MAD1L1: variants seen among roughly 807,000 people sequenced by gnomAD.
MAD1L1 encodes the protein mitotic spindle assembly checkpoint protein MAD1.
MAD1L1 carries 95 observed loss-of-function variants against 96.9 expected under a neutral mutation model. That is an observed-to-expected ratio of 0.98 (90% CI 0.83 to 1.16). MAD1L1 has a LOEUF of 1.16. MAD1L1 is among the 50% of genes most tolerant of loss of function. MAD1L1 has a pLI of 0.00. For synonymous variants in MAD1L1, 473 were observed against 396.6 expected (o/e 1.19, Z -2.29); for missense variants, 1,007 against 954.4 (o/e 1.06, Z -0.73).
chr7:1,884,438 C>T (rs1220399588), intron 18 of MAD1L1, among the ~76,000 whole-genome samples: 1 of 152,218 alleles, frequency 6.6e-6, no homozygotes, highest in East Asian at 1.9e-4. Context: ...GAGTTCCAGG[C>T]CTCAATGCTC....
intron 18 of MAD1L1, among the ~76,000 whole-genome samples, chr7:1,868,663 C>T (rs567858526): frequency 1.2e-4 from 18 of 152,336 alleles, no homozygotes; most frequent in African/African-American, 4.1e-4. Context: ...CAGCCCATGC[C>T]GGGTAGGAGT....
At chr7:2,042,923 A>C (rs1783755717) in intron 12 of MAD1L1, among the ~76,000 whole-genome samples, 1 of 151,914 alleles carries the variant, frequency 6.6e-6, no homozygotes, top group South Asian at 2.1e-4. Context: ...GTCCACGTCC[A>C]CATCAAGGCA....
Position 1,945,244 on chromosome 7 carries a change from C to T in MAD1L1, c.1597-8347G>A, listed in dbSNP as rs1023152522. 1.2e-3 allele frequency among the ~76,000 whole-genome samples: 181 copies of T among 152,356 alleles called. 10 individuals are homozygous for T. The highest frequency in any genetic ancestry group is 3.4e-3 in the Middle Eastern group (1 of 292). Reference sequence around the variant, plus strand: ...CACTCATCTCAGTAGGCGTCCTCCACGCCAGAAGTCCAGCTCCGCGGTGAC... The same window carrying T: ...CACTCATCTCAGTAGGCGTCCTCCATGCCAGAAGTCCAGCTCCGCGGTGAC... On this transcript the variant is annotated intron_variant, in intron 16 of 18. Transcript: ENST00000265854.
chr7:2,000,344 T>G (rs565953803), intron 14 of MAD1L1, among the ~76,000 whole-genome samples: 1 of 152,006 alleles, frequency 6.6e-6, no homozygotes, highest in Non-Finnish European at 1.5e-5. Flanking sequence ...TCCCACCCAT[T>G]GCGGCCCTGC....
At chr7:2,048,626 G>A (rs1050783799) in intron 12 of MAD1L1, among the ~76,000 whole-genome samples, 1 of 152,248 alleles carries the variant, frequency 6.6e-6, no homozygotes, top group Admixed American at 6.5e-5. Context: ...GGAAGGGGCT[G>A]TCCCATAGGA....
intron 14 of MAD1L1, among the ~76,000 whole-genome samples, chr7:1,981,740 G>A (rs1055282117): frequency 2.0e-5 from 3 of 152,168 alleles, no homozygotes; most frequent in Non-Finnish European, 4.4e-5. Flanking sequence ...GGAATGATGT[G>A]AGGGGGACAA....
intron 1 of MAD1L1, among the ~76,000 whole-genome samples, chr7:2,232,222 T>C (rs1168574668): frequency 1.3e-5 from 2 of 152,204 alleles, no homozygotes; most frequent in African/African-American, 4.8e-5. Context: ...GCACAGTTTC[T>C]GAGTTTCCAT....
chr7:1,815,994 C>G lies in MAD1L1; in HGVS notation c.*76G>C. 1.3e-5 allele frequency: 20 copies of G among 1,491,606 alleles called. No homozygotes were observed. Among genetic ancestry groups the G allele is most frequent in the Non-Finnish European group, 1.8e-5 (20 of 1,111,100 alleles). 92.4% of individuals were successfully genotyped at this position (1,491,606 alleles called of 1,614,324 possible). ...CTGGAGAGGCAGGACGTGCACCCAG[C>G]CTGTGGCTGGCGGGGCAGGGGACCT... On this transcript the variant is annotated 3_prime_UTR_variant, in exon 19 of 19. Transcript: ENST00000265854.
chr7:2,063,497 T>C (rs1784751635), intron 12 of MAD1L1, among the ~76,000 whole-genome samples: 1 of 152,178 alleles, frequency 6.6e-6, no homozygotes, highest in Admixed American at 6.5e-5. Flanking sequence ...GTCTCCAAAG[T>C]GGAAGCTGCC....
chr7:1,825,919 G>C (rs1673425352), intron 18 of MAD1L1, among the ~76,000 whole-genome samples: 1 of 151,984 alleles, frequency 6.6e-6, no homozygotes, highest in Non-Finnish European at 1.5e-5. Context: ...GGTCGGCACA[G>C]TCCCAGCCCC....
intron 13 of MAD1L1, among the ~76,000 whole-genome samples, chr7:2,006,056 C>G (rs1052331604): frequency 1.3e-5 from 2 of 151,534 alleles, no homozygotes; most frequent in Non-Finnish European, 2.9e-5. Context: ...GGAGGGAGCT[C>G]AGGTCTGGCT....
intron 17 of MAD1L1, 52 bp downstream of exon 17, chr7:1,936,635 C>A: frequency 6.6e-7 from 1 of 1,518,090 alleles, no homozygotes; most frequent in Non-Finnish European, 8.8e-7. Context: ...CACGGATGGA[C>A]CTACCCACGG....
At chr7:1,929,787 C>T (rs570597885) in intron 17 of MAD1L1, among the ~76,000 whole-genome samples, 1 of 140,136 alleles carries the variant, frequency 7.1e-6, no homozygotes, top group Non-Finnish European at 1.5e-5. Flanking sequence ...GTCCCCACTG[C>T]CACGTCCCCT....
chr7:2,107,107 G>A (rs1584337303), intron 11 of MAD1L1, among the ~76,000 whole-genome samples: 1 of 152,242 alleles, frequency 6.6e-6, no homozygotes, highest in South Asian at 2.1e-4. Flanking sequence ...AGGGCCTGAG[G>A]ATGGCAGCGC....
At chr7:1,897,142 G>C (rs952090995) in intron 18 of MAD1L1, among the ~76,000 whole-genome samples, 1 of 97,910 alleles carries the variant, frequency 1.0e-5, no homozygotes, top group African/African-American at 5.3e-5. Flanking sequence ...GGGTTGTGCA[G>C]AAGGAGGAGG....
intron 18 of MAD1L1, chr7:1,847,335 G>A (rs773838092): frequency 2.1e-6 from 1 of 471,112 alleles, no homozygotes; most frequent in South Asian, 1.5e-5. Context: ...AGGCATGGCA[G>A]GCGGTGCTCG....
chr7:2,190,499 C>T (rs1311400337), intron 10 of MAD1L1, among the ~76,000 whole-genome samples: 1 of 152,034 alleles, frequency 6.6e-6, no homozygotes, highest in Non-Finnish European at 1.5e-5. Context: ...TTTTACCCTT[C>T]AAAAGACACT....
intron 3 of MAD1L1, among the ~76,000 whole-genome samples, chr7:2,228,125 C>T (rs1430606025): frequency 6.6e-6 from 1 of 152,180 alleles, no homozygotes; most frequent in Non-Finnish European, 1.5e-5. Context: ...CTTGCTCTGA[C>T]TACCGCACTC....
At chr7:1,837,376 C>T (rs1461604699) in intron 18 of MAD1L1, among the ~76,000 whole-genome samples, 1 of 152,192 alleles carries the variant, frequency 6.6e-6, no homozygotes, top group Non-Finnish European at 1.5e-5. Flanking sequence ...ATGGTGCAGG[C>T]ACTTTGGAAA....
Sources: allele counts gnomAD v4.1 joint callset (sites outside exome capture counted in the v4.1 genomes callset), GRCh38; gene constraint gnomAD v4.1.1; transcripts MANE v1.5; gene names NCBI Gene and HGNC (gene_info 2026-07-23, HGNC 2026-07-21).